Variants in LHFPL3 observed in about 807,000 individuals in gnomAD.
LHFPL3 encodes LHFPL tetraspan subfamily member 3.
Under a neutral mutation model 19.3 loss-of-function variants are expected in LHFPL3, and 5 were observed. The observed-to-expected ratio is 0.26, with a 90% CI of 0.14 to 0.54. The LOEUF is 0.54. Ranked by LOEUF, LHFPL3 falls within the 20% of genes least tolerant of loss-of-function variation. The pLI is 0.94. For missense variants in LHFPL3, 249 were observed against 307.4 expected, an observed-to-expected ratio of 0.81 and a Z score of 1.42; for synonymous variants, 133 against 126.2, an observed-to-expected ratio of 1.05 and a Z score of -0.36.
chr7:104,701,032 CT>C (rs552725467), intron 1 of LHFPL3, among the ~76,000 whole-genome samples: 85 of 152,292 alleles, frequency 5.6e-4, no homozygotes, highest in African/African-American at 1.9e-3. Flanking sequence ...GAAAAATATC[CT>C]AAGAATAGAC....
At chr7:104,362,133 G>A (rs536913813) in intron 1 of LHFPL3, among the ~76,000 whole-genome samples, 1 of 152,350 alleles carries the variant, frequency 6.6e-6, no homozygotes, top group Admixed American at 6.5e-5. Context: ...GCTGGGACAA[G>A]AACTTTGGTG....
At chr7:104,583,067 C>G (rs1293799885) in intron 1 of LHFPL3, among the ~76,000 whole-genome samples, 2 of 151,776 alleles carry the variant, frequency 1.3e-5, no homozygotes, top group African/African-American at 2.4e-5. Context: ...CAGTACCATG[C>G]TGTTTTGGTT....
intron 2 of LHFPL3, chr7:104,845,279 T>C (rs1049724441): frequency 6.0e-5 from 44 of 731,910 alleles, no homozygotes; most frequent in Non-Finnish European, 9.6e-5. Context: ...ACACCGTCAA[T>C]GGAATAGCCA....
intron 1 of LHFPL3, among the ~76,000 whole-genome samples, chr7:104,433,374 C>A (rs945927786): frequency 6.6e-6 from 1 of 152,140 alleles, no homozygotes; most frequent in African/African-American, 2.4e-5. Flanking sequence ...AACCCACTCC[C>A]CCCAGGGCTC....
chr7:104,361,257 G>A (rs1303594662), intron 1 of LHFPL3, among the ~76,000 whole-genome samples: 1 of 152,172 alleles, frequency 6.6e-6, no homozygotes, highest in Non-Finnish European at 1.5e-5. Flanking sequence ...AGGCTGGTGG[G>A]AAAATAGAAT....
intron 1 of LHFPL3, among the ~76,000 whole-genome samples, chr7:104,598,992 T>A (rs1332747119): frequency 6.6e-6 from 1 of 152,238 alleles, no homozygotes; most frequent in Non-Finnish European, 1.5e-5. Context: ...TTTACATTTT[T>A]AATTTTTATC....
chr7:104,497,853 A>G (rs1793515707), intron 1 of LHFPL3, among the ~76,000 whole-genome samples: 1 of 152,048 alleles, frequency 6.6e-6, no homozygotes, highest in Non-Finnish European at 1.5e-5. Flanking sequence ...GCTTCTTGTA[A>G]TCACAGAGCC....
chr7:104,406,947 A>C (rs921268057), intron 1 of LHFPL3, among the ~76,000 whole-genome samples: 13 of 152,302 alleles, frequency 8.5e-5, no homozygotes, highest in African/African-American at 3.1e-4. Flanking sequence ...AAGACCTTCA[A>C]CTTTGAAGTC....
intron 1 of LHFPL3, among the ~76,000 whole-genome samples, chr7:104,562,301 C>G (rs1790022006): frequency 6.6e-6 from 1 of 152,090 alleles, no homozygotes; most frequent in Non-Finnish European, 1.5e-5. Context: ...TCCATTCTCC[C>G]CATCACTTTC....
intron 2 of LHFPL3, among the ~76,000 whole-genome samples, chr7:104,847,620 C>T (rs1288648795): frequency 2.6e-5 from 4 of 152,200 alleles, no homozygotes; most frequent in Non-Finnish European, 4.4e-5. Context: ...GAGCGATTCT[C>T]CTGCCTCAGC....
chr7:104,471,191 G>T (rs1792901027), intron 1 of LHFPL3, among the ~76,000 whole-genome samples: 1 of 152,108 alleles, frequency 6.6e-6, no homozygotes, highest in Non-Finnish European at 1.5e-5. Context: ...CTATGTGTTG[G>T]TGTTAATGGT....
intron 1 of LHFPL3, among the ~76,000 whole-genome samples, chr7:104,606,003 C>T (rs1262055094): frequency 6.6e-6 from 1 of 152,098 alleles, no homozygotes; most frequent in Non-Finnish European, 1.5e-5. Flanking sequence ...TTGGCACAAA[C>T]CAAGGAGACA....
In LHFPL3 at chr7:104,729,825, C is replaced by A. The variant is rs373372076; in HGVS notation, c.446-6850C>A. ...ATTTGTTACATATGTATACATGTGA[C>A]ATGTTGGTGTGCTGCACCCATTAAC... On this transcript the variant is annotated intron_variant, in intron 1 of 2. Transcript: ENST00000424859. 2.5e-4 allele frequency among the ~76,000 whole-genome samples: 38 copies of A among 152,180 alleles called. No individual in the cohort carries two copies. The East Asian group carries it at 4.2e-3, about 17-fold the overall frequency.
chr7:104,845,272 C>A, intron 2 of LHFPL3: 2 of 714,842 alleles, frequency 2.8e-6, no homozygotes, highest in Non-Finnish European at 5.0e-6. Context: ...TCTCTGCACA[C>A]CGTCAATGGA....
At chr7:104,647,925 C>G (rs1471230103) in intron 1 of LHFPL3, among the ~76,000 whole-genome samples, 2 of 152,202 alleles carry the variant, frequency 1.3e-5, no homozygotes, top group African/African-American at 2.4e-5. Context: ...CTGGACACCT[C>G]TCTAATTGAC....
intron 1 of LHFPL3, among the ~76,000 whole-genome samples, chr7:104,592,099 C>T (rs1790737484): frequency 6.6e-6 from 1 of 152,156 alleles, no homozygotes; most frequent in Non-Finnish European, 1.5e-5. Flanking sequence ...TATTACTGAT[C>T]GTCTAGAGCC....
intron 2 of LHFPL3, among the ~76,000 whole-genome samples, chr7:104,828,866 C>A (rs1790875527): frequency 6.6e-6 from 1 of 151,910 alleles, no homozygotes; most frequent in African/African-American, 2.4e-5. Context: ...GAAACCCTGT[C>A]TCCACTAAAA....
chr7:104,588,896 A>T (rs1331778555), intron 1 of LHFPL3, among the ~76,000 whole-genome samples: 1 of 100,864 alleles, frequency 9.9e-6, no homozygotes, highest in Non-Finnish European at 2.0e-5. Context: ...ATGGGAATTC[A>T]CTCAAGATTT....
chr7:104,771,226 A>G (rs1794544772), intron 2 of LHFPL3, among the ~76,000 whole-genome samples: 1 of 152,172 alleles, frequency 6.6e-6, no homozygotes, highest in Admixed American at 6.5e-5. Context: ...ATAAGAACAG[A>G]CACCTGACTA....
Sources: allele counts gnomAD v4.1 joint callset (sites outside exome capture counted in the v4.1 genomes callset), GRCh38; gene constraint gnomAD v4.1.1; transcripts MANE v1.5; gene names NCBI Gene and HGNC (gene_info 2026-07-23, HGNC 2026-07-21).